PRKCB: variants seen among roughly 807,000 people sequenced by gnomAD.
PRKCB encodes protein kinase C beta type.
PRKCB carries 13 observed loss-of-function variants against 81.5 expected under a neutral mutation model. The observed-to-expected ratio is 0.16, with a 90% CI of 0.10 to 0.25. PRKCB has a LOEUF of 0.25. PRKCB is among the 10% of genes least tolerant of loss of function. PRKCB has a pLI of 1.00. For synonymous variants in PRKCB, 335 were observed against 321.4 expected (o/e 1.04, Z -0.45); for missense variants, 509 against 875.7 (o/e 0.58, Z 5.29).
chr16:24,064,106 C>T (rs563295373), intron 5 of PRKCB, among the ~76,000 whole-genome samples: 1 of 151,736 alleles, frequency 6.6e-6, no homozygotes, highest in African/African-American at 2.4e-5. Context: ...ACCAGGTTGC[C>T]GTCCTTCTTA....
At chr16:24,212,300 G>T (rs967140926) in intron 16 of PRKCB, among the ~76,000 whole-genome samples, 2 of 150,830 alleles carry the variant, frequency 1.3e-5, no homozygotes, top group Non-Finnish European at 2.9e-5. Context: ...AATGAAAAAG[G>T]TCATATATTC....
At position 23,944,086 on chromosome 16, in the gene PRKCB, G is replaced by A. The variant is rs977719427; in HGVS notation, c.206-44422G>A. Among the ~76,000 whole-genome samples the A allele has an allele frequency of 9.2e-5, 14 of 152,000 alleles. 1 individual carries two copies. Among genetic ancestry groups the A allele is most frequent in the Non-Finnish European group, 1.0e-4 (7 of 68,002 alleles). The stretch of plus-strand genomic sequence containing the variant: ...TAGGAGAGAAATTCAGAGTCAACAC[G>A]GAAACTGAAAAGCTCTAGTACTGCC... On this transcript the variant is annotated intron_variant, in intron 2 of 16. Coordinates refer to ENST00000643927, the MANE Select transcript of PRKCB (RefSeq NM_002738.7).
At chr16:23,853,683 A>G (rs979537170) in intron 2 of PRKCB, among the ~76,000 whole-genome samples, 32 of 152,300 alleles carry the variant, frequency 2.1e-4, no homozygotes, top group African/African-American at 7.2e-4. Flanking sequence ...CTTATCAAAC[A>G]TAGCAGGGAA....
At chr16:24,031,077 G>T (rs1008040117) in intron 3 of PRKCB, among the ~76,000 whole-genome samples, 2 of 151,992 alleles carry the variant, frequency 1.3e-5, no homozygotes, top group African/African-American at 2.4e-5. Flanking sequence ...AAAAACAAAA[G>T]AAAACAAAAA....
chr16:23,908,046 G>A (rs574346443), intron 2 of PRKCB, among the ~76,000 whole-genome samples: 40 of 152,274 alleles, frequency 2.6e-4, no homozygotes, highest in African/African-American at 8.7e-4. Flanking sequence ...GGCAGCAGGT[G>A]GGGAGAGAAA....
At chr16:23,854,966 G>T (rs1314770781) in intron 2 of PRKCB, among the ~76,000 whole-genome samples, 1 of 152,190 alleles carries the variant, frequency 6.6e-6, no homozygotes, top group Non-Finnish European at 1.5e-5. Context: ...ATGAGATGCT[G>T]TATGCAAAGG....
At chr16:24,033,519 T>G (rs913770908) in intron 4 of PRKCB, among the ~76,000 whole-genome samples, 26 of 151,956 alleles carry the variant, frequency 1.7e-4, no homozygotes, top group Non-Finnish European at 5.9e-5. Context: ...CCCAACACTT[T>G]GGGAGGCTGA....
intron 15 of PRKCB, among the ~76,000 whole-genome samples, chr16:24,189,654 A>G (rs950161858): frequency 2.0e-5 from 3 of 151,862 alleles, no homozygotes; most frequent in Admixed American, 6.6e-5. Context: ...AAAAAAAAAA[A>G]AAAAAAAAGA....
At chr16:24,202,634 T>C (rs1967976458) in intron 16 of PRKCB, among the ~76,000 whole-genome samples, 1 of 152,172 alleles carries the variant, frequency 6.6e-6, no homozygotes, top group Non-Finnish European at 1.5e-5. Flanking sequence ...TGTGTGACCT[T>C]CTAGAGAAGA....
intron 2 of PRKCB, among the ~76,000 whole-genome samples, chr16:23,951,178 C>T (rs889802798): frequency 2.0e-5 from 3 of 152,216 alleles, no homozygotes; most frequent in Admixed American, 6.5e-5. Flanking sequence ...ATAATGAGAG[C>T]AATCGAATGC....
intron 10 of PRKCB, among the ~76,000 whole-genome samples, chr16:24,160,305 C>CAA (rs1335211917): frequency 2.6e-5 from 4 of 151,222 alleles, no homozygotes; most frequent in Non-Finnish European, 5.9e-5. Flanking sequence ...ATTTAGGGAG[C>CAA]ACTGCATATA....
At chr16:23,906,717 A>AT (rs1963566798) in intron 2 of PRKCB, among the ~76,000 whole-genome samples, 1 of 151,924 alleles carries the variant, frequency 6.6e-6, no homozygotes, top group Non-Finnish European at 1.5e-5. Context: ...ATCTAGCTTT[A>AT]TTTTTTACCA....
chr16:24,205,733 G>A (rs1376504647), intron 16 of PRKCB, among the ~76,000 whole-genome samples: 4 of 152,064 alleles, frequency 2.6e-5, no homozygotes, highest in African/African-American at 4.8e-5. Context: ...TTCTAGAAAC[G>A]CAGTGGTGAA....
intron 3 of PRKCB, among the ~76,000 whole-genome samples, chr16:24,023,183 G>A (rs1965428678): frequency 6.6e-6 from 1 of 152,072 alleles, no homozygotes; most frequent in African/African-American, 2.4e-5. Flanking sequence ...ACCTTGGCTG[G>A]GATTACAGGC....
intron 3 of PRKCB, among the ~76,000 whole-genome samples, chr16:24,000,366 G>T (rs754503724): frequency 2.0e-5 from 3 of 152,146 alleles, no homozygotes; most frequent in African/African-American, 7.2e-5. Context: ...AGCTATAAGT[G>T]GTTAATGTGG....
At chr16:24,093,662 G>C (rs1363019657) in intron 6 of PRKCB, among the ~76,000 whole-genome samples, 2 of 152,168 alleles carry the variant, frequency 1.3e-5, no homozygotes, top group African/African-American at 4.8e-5. Context: ...CCAGCTAGAA[G>C]CACAGTTCCT....
At chr16:24,198,555 G>A (rs1411815377) in intron 16 of PRKCB, among the ~76,000 whole-genome samples, 38 of 152,268 alleles carry the variant, frequency 2.5e-4, no homozygotes, top group South Asian at 4.1e-4. Context: ...CCAGGCTGGT[G>A]TCAAAATCCT....
intron 5 of PRKCB, among the ~76,000 whole-genome samples, chr16:24,079,921 A>G (rs1166666065): frequency 6.6e-6 from 1 of 152,200 alleles, no homozygotes; most frequent in Non-Finnish European, 1.5e-5. Flanking sequence ...TCCAAGTGTT[A>G]AAAGGACGAA....
At chr16:24,069,035 A>G (rs1966075633) in intron 5 of PRKCB, among the ~76,000 whole-genome samples, 2 of 152,234 alleles carry the variant, frequency 1.3e-5, no homozygotes, top group Admixed American at 6.5e-5. Flanking sequence ...TAACATTCCT[A>G]TGAGCCAACA....
Sources: gnomAD v4.1 joint callset for allele counts (sites outside exome capture counted in the v4.1 genomes callset) on GRCh38, gnomAD v4.1.1 for gene constraint, MANE v1.5 for transcripts, NCBI Gene and HGNC (gene_info 2026-07-23, HGNC 2026-07-21) for gene names.